Variants in INPP5D observed in about 807,000 individuals in gnomAD.
The protein encoded by INPP5D is inositol polyphosphate-5-phosphatase D.
INPP5D carries 33 observed loss-of-function variants against 122.9 expected under a neutral mutation model. That is an observed-to-expected ratio of 0.27 (90% confidence interval 0.20 to 0.36). The LOEUF (loss-of-function observed/expected upper bound fraction) is 0.36. Ranked by LOEUF, INPP5D falls within the 10% of genes least tolerant of loss-of-function variation. The pLI, the probability that INPP5D is intolerant of heterozygous loss-of-function variation, is 1.00. For synonymous variants in INPP5D, 584 were observed against 576.2 expected, an observed-to-expected ratio of 1.01 and a Z score of -0.19; for missense variants, 1,053 against 1,412.7, an observed-to-expected ratio of 0.75 and a Z score of 4.08.
intron 24 of INPP5D, among the ~76,000 whole-genome samples, chr2:233,196,842 A>T (rs1559346781): frequency 6.7e-6 from 1 of 150,096 alleles, no homozygotes; most frequent in Non-Finnish European, 1.5e-5. Flanking sequence ...CCTTGCCCTC[A>T]CCCCAGCCAC....
intron 25 of INPP5D, among the ~76,000 whole-genome samples, chr2:233,199,460 T>C (rs13026172): frequency 0.23 from 30,170 of 132,364 alleles, 3,298 homozygotes; most frequent in Non-Finnish European, 0.26. Context: ...CGCTTGAACC[T>C]AGGAGGCAGA....
chr2:233,093,506 C>T (rs1246897618), intron 2 of INPP5D, among the ~76,000 whole-genome samples: 2 of 150,290 alleles, frequency 1.3e-5, no homozygotes, highest in African/African-American at 2.5e-5. Flanking sequence ...CATGGTGAAA[C>T]TCTGTCTCTG....
At chr2:233,162,901 G>A (rs1694232530) in intron 11 of INPP5D, among the ~76,000 whole-genome samples, 1 of 152,180 alleles carries the variant, frequency 6.6e-6, no homozygotes. Flanking sequence ...CTCTGGACAT[G>A]GTCAGGGATG....
chr2:233,063,256 C>G (rs963975217), intron 1 of INPP5D, among the ~76,000 whole-genome samples: 3 of 152,226 alleles, frequency 2.0e-5, no homozygotes, highest in African/African-American at 7.2e-5. Context: ...CCCTCCTGCC[C>G]TAGCAAAGTC....
In INPP5D at chr2:233,146,407, G is replaced by A. The variant is rs573550640; in HGVS notation, c.875G>A (p.Arg292Gln). 2.8e-5 allele frequency: 20 copies of A among 704,292 alleles called. No homozygotes were observed. Among genetic ancestry groups the A allele is most frequent in the Non-Finnish European group, 3.9e-5 (15 of 385,008 alleles). The allele number at this position is 704,292 out of a possible 1,614,324, so 43.6% of individuals were successfully genotyped here. Residue 292 changes from arginine to glutamine, a missense_variant, in exon 8 of 27, where the codon CGG becomes CAG. Coordinates refer to ENST00000445964, the MANE Select transcript of INPP5D (RefSeq NM_001017915.3). ...CACGAGGGTCCTGAGTCTCCGCACC[G>A]GCCCTCCCTTATCCCTCCAGTCACC... ...LLHEGPESPHRPSLIPPVTFE... is the reference protein window; with the variant it reads ...LLHEGPESPHQPSLIPPVTFE...
chr2:233,146,668 A>T (rs1389763458), intron 8 of INPP5D, among the ~76,000 whole-genome samples: 5 of 152,224 alleles, frequency 3.3e-5, no homozygotes, highest in African/African-American at 1.2e-4. Flanking sequence ...GCTACAAGGG[A>T]GGAGTGTCTC....
intron 1 of INPP5D, among the ~76,000 whole-genome samples, chr2:233,067,823 A>G (rs186601569): frequency 5.9e-5 from 9 of 152,308 alleles, no homozygotes; most frequent in African/African-American, 9.6e-5. Flanking sequence ...GGCCATTTGT[A>G]TTTGGAGAAA....
At chr2:233,182,620 C>A in intron 19 of INPP5D, 121 bp downstream of exon 19, 1 of 1,447,888 alleles carries the variant, frequency 6.9e-7, no homozygotes. Flanking sequence ...CAGGCAAGTC[C>A]ACAATATCAG....
At chr2:233,103,267 T>C (rs1489244787) in intron 2 of INPP5D, among the ~76,000 whole-genome samples, 1 of 152,162 alleles carries the variant, frequency 6.6e-6, no homozygotes, top group African/African-American at 2.4e-5. Flanking sequence ...TATAGGTGGG[T>C]TGTCAAAGTG....
chr2:233,138,216 G>C (rs1002362493), intron 5 of INPP5D, among the ~76,000 whole-genome samples: 1 of 149,868 alleles, frequency 6.7e-6, no homozygotes, highest in African/African-American at 2.5e-5. Context: ...TGGGCGTGGT[G>C]GTGTATGCCT....
At chr2:233,091,246 C>T (rs184733272) in intron 2 of INPP5D, among the ~76,000 whole-genome samples, 3 of 152,324 alleles carry the variant, frequency 2.0e-5, no homozygotes, top group African/African-American at 4.8e-5. Flanking sequence ...CCCATAGCCG[C>T]TCCTTATAGC....
chr2:233,204,932 G>T (rs1695454625), intron 26 of INPP5D: 1 of 722,856 alleles, frequency 1.4e-6, no homozygotes, highest in African/African-American at 1.9e-5. Flanking sequence ...AGGTCTGCCT[G>T]TCCCACACAT....
rs767784594 is a variant in INPP5D at position 233,183,605 on chromosome 2, C to T, written c.2162-803C>T. ...GCCCTTGCCATCTCCTCCTCTATTC[C>T]GGGGTAGGGCATCCTCCATGTCAGG... is the stretch of plus-strand genomic sequence containing the variant. On this transcript the variant is annotated intron_variant, in intron 19 of 26. Transcript: ENST00000445964. The surrounding 1 kb of genome is among the most constrained non-coding windows in gnomAD (Gnocchi z 4.6). Among the ~76,000 whole-genome samples, 5 of 152,138 alleles carry T rather than the reference C, an allele frequency of 3.3e-5. No homozygotes were observed. Among genetic ancestry groups the T allele is most frequent in the African/African-American group, 7.2e-5 (3 of 41,414 alleles).
At chr2:233,194,028 C>T (rs1182896736) in intron 23 of INPP5D, 67 bp downstream of exon 23, 1 of 1,482,136 alleles carries the variant, frequency 6.7e-7, no homozygotes, top group East Asian at 2.4e-5. Flanking sequence ...CGTGCTTTCT[C>T]TCAGCAAAGC....
At chr2:233,182,327 C>A in intron 18 of INPP5D, 83 bp from the exon 19 acceptor site, 3 of 1,576,824 alleles carry the variant, frequency 1.9e-6, no homozygotes, top group Non-Finnish European at 2.6e-6. Flanking sequence ...ACTAAAGTTT[C>A]TTTCTGCTTT....
intron 2 of INPP5D, among the ~76,000 whole-genome samples, chr2:233,116,065 T>C (rs1574738880): frequency 6.6e-6 from 1 of 152,218 alleles, no homozygotes; most frequent in East Asian, 1.9e-4. Flanking sequence ...AGTATTTTGT[T>C]TCACAATCTG....
At position 233,189,720 on chromosome 2, in the gene INPP5D, G is replaced by A; in HGVS notation, c.2359-130G>A. 1.5e-6 allele frequency: 2 copies of A among 1,358,318 alleles called. No homozygotes were observed. Among genetic ancestry groups the A allele is most frequent in the East Asian group, 2.5e-5 (1 of 39,316 alleles). The allele number at this position is 1,358,318 out of a possible 1,614,324, so 84.1% of individuals were successfully genotyped here. A position where few individuals can be genotyped will look rare whatever the true frequency, so the allele number is the denominator to read the frequency against. The stretch of plus-strand genomic sequence containing the variant: ...AGCTATACCCCACCTGCTCTCTTGG[G>A]TATGGACAGCAGAGATTTAGATCTG... On this transcript the variant is annotated intron_variant, in intron 21 of 26. Coordinates refer to ENST00000445964, the MANE Select transcript of INPP5D (RefSeq NM_001017915.3). The surrounding 1 kb of genome is among the most constrained non-coding windows in gnomAD (Gnocchi z 5.6).
intron 14 of INPP5D, chr2:233,169,705 G>A: frequency 1.7e-6 from 1 of 572,830 alleles, no homozygotes; most frequent in South Asian, 2.3e-5. Flanking sequence ...ACAAATCCAA[G>A]CTGATCTTGC....
chr2:233,154,947 C>A (rs137945009), intron 9 of INPP5D, among the ~76,000 whole-genome samples: 77,833 of 152,004 alleles, frequency 0.51, 20,616 homozygotes, highest in East Asian at 0.66. Context: ...GTACTGAAAC[C>A]GTTGTCACGG....
Sources: gnomAD v4.1 joint callset for allele counts (sites outside exome capture counted in the v4.1 genomes callset) on GRCh38, gnomAD v4.1.1 for gene constraint, Gnocchi (gnomAD v3.1) non-coding constraint, MANE v1.5 for transcripts, NCBI Gene and HGNC (gene_info 2026-07-23, HGNC 2026-07-21) for gene names.